Variants in MALRD1 observed in about 807,000 individuals in gnomAD.
The protein encoded by MALRD1 is MAM and LDL-receptor class A domain-containing protein 1.
In MALRD1, 247 loss-of-function variants were observed where a neutral mutation model predicts 242.1. That is an observed-to-expected ratio of 1.02 (90% confidence interval 0.92 to 1.13). The LOEUF is 1.13. MALRD1 is among the 50% of genes most tolerant of loss of function. The probability of loss-of-function intolerance (pLI) is 0.00; values close to 1 mark genes in which losing one functional copy is unlikely to be tolerated. For missense variants in MALRD1, 2,989 were observed against 2,533.1 expected (o/e 1.18, Z -3.86); for synonymous variants, 995 against 866.6 (o/e 1.15, Z -2.60).
intron 19 of MALRD1, among the ~76,000 whole-genome samples, chr10:19,262,106 T>C (rs1192104210): frequency 6.6e-6 from 1 of 152,168 alleles, no homozygotes; most frequent in African/African-American, 2.4e-5. Context: ...TTCTGAGCTA[T>C]GGCTTTTTTC....
At chr10:19,462,111 G>T (rs542170823) in intron 29 of MALRD1, among the ~76,000 whole-genome samples, 1 of 152,274 alleles carries the variant, frequency 6.6e-6, no homozygotes, top group East Asian at 1.9e-4. Context: ...CAGAATAGGG[G>T]AGCTGGGTAT....
intron 31 of MALRD1, among the ~76,000 whole-genome samples, chr10:19,524,967 A>C (rs988428818): frequency 1.3e-5 from 2 of 152,022 alleles, no homozygotes; most frequent in Non-Finnish European, 2.9e-5. Flanking sequence ...GCAATGGCAT[A>C]ATCTCGGCTT....
chr10:19,550,703 C>T (rs984240753), intron 32 of MALRD1, among the ~76,000 whole-genome samples: 7 of 152,122 alleles, frequency 4.6e-5, no homozygotes, highest in Non-Finnish European at 1.5e-5. Context: ...GCATAGTATT[C>T]CATGGTGTGT....
At chr10:19,530,405 ATATT>A (rs1343870313) in intron 31 of MALRD1, among the ~76,000 whole-genome samples, 1 of 14,098 alleles carries the variant, frequency 7.1e-5, no homozygotes, top group Non-Finnish European at 1.9e-4. Context: ...TAAATATTAT[ATATT>A]TATATAATAA....
chr10:19,401,355 T>G (rs772420744), intron 28 of MALRD1, among the ~76,000 whole-genome samples: 16 of 152,196 alleles, frequency 1.1e-4, no homozygotes, highest in Non-Finnish European at 2.2e-4. Flanking sequence ...TTTGGGTAAC[T>G]TCTAACATAA....
chr10:19,155,064 T>C lies in MALRD1; in HGVS notation c.1559-11T>C, dbSNP rs988685339. The C allele has an allele frequency of 4.4e-5, 54 of 1,230,286 alleles. No homozygotes were observed. The highest frequency in any genetic ancestry group is 3.1e-4 in the Middle Eastern group (1 of 3,230). 76.2% of individuals were successfully genotyped at this position (1,230,286 alleles called of 1,614,324 possible). ...ACTTGCATCCCTATGACTTTCCCTT[T>C]GTTTTTTCAGGATCGTTTATTTATT... On this transcript the variant is annotated splice_polypyrimidine_tract_variant and intron_variant, in intron 11 of 39. Transcript: ENST00000454679.
Position 19,368,450 on chromosome 10 carries a change from G to T in MALRD1, c.4441+16153G>T, listed in dbSNP as rs187247405. On this transcript the variant is annotated intron_variant, in intron 26 of 39. Coordinates refer to ENST00000454679, the MANE Select transcript of MALRD1 (RefSeq NM_001142308.3). ...TGTAGAATTGTGGATTCATTTTGGG[G>T]TTCTGTATTCTGTTCCATTGGTCTA... is the stretch of plus-strand genomic sequence containing the variant. 6.1e-3 allele frequency among the ~76,000 whole-genome samples: 933 copies of T among 152,052 alleles called. 6 individuals are homozygous for T. The highest frequency in any genetic ancestry group is 0.021 in the African/African-American group (889 of 41,486).
At chr10:19,120,146 A>G (rs577753795) in intron 5 of MALRD1, among the ~76,000 whole-genome samples, 79 of 152,178 alleles carry the variant, frequency 5.2e-4, no homozygotes, top group African/African-American at 1.8e-3. Flanking sequence ...GTGTGTAGAG[A>G]GGAGAAGAGA....
chr10:19,424,929 G>A (rs1365927295), intron 28 of MALRD1, among the ~76,000 whole-genome samples: 1 of 148,264 alleles, frequency 6.7e-6, no homozygotes, highest in Admixed American at 6.7e-5. Flanking sequence ...ACCAAAGAGT[G>A]AAATGGAAAA....
intron 38 of MALRD1, among the ~76,000 whole-genome samples, chr10:19,705,804 T>TGAAA (rs71388859): frequency 9.7e-6 from 1 of 102,904 alleles, no homozygotes. Flanking sequence ...CCTGCAATAG[T>TGAAA]AAAAAAAAAA....
At chr10:19,577,391 T>C (rs1179731882) in intron 33 of MALRD1, among the ~76,000 whole-genome samples, 1 of 152,130 alleles carries the variant, frequency 6.6e-6, no homozygotes, top group Non-Finnish European at 1.5e-5. Flanking sequence ...AGCCAGAAAA[T>C]GCCATTAAAT....
Position 19,474,499 on chromosome 10 carries a change from C to T in MALRD1, c.5030-17018C>T, listed in dbSNP as rs181551715. 2.7e-3 allele frequency among the ~76,000 whole-genome samples: 413 copies of T among 152,186 alleles called. 3 individuals carry two copies. Among genetic ancestry groups the T allele is most frequent in the Non-Finnish European group, 3.7e-3 (254 of 67,982 alleles). On this transcript the variant is annotated intron_variant, in intron 29 of 39. Transcript: ENST00000454679. Reference sequence around the variant, plus strand: ...TAGCTTTTCTTTTTAATCTACTATACATTTCGACACAGTCTGTTGAACAAT... The same window carrying T: ...TAGCTTTTCTTTTTAATCTACTATATATTTCGACACAGTCTGTTGAACAAT...
At chr10:19,275,517 A>G (rs1840468595) in intron 19 of MALRD1, among the ~76,000 whole-genome samples, 1 of 152,086 alleles carries the variant, frequency 6.6e-6, no homozygotes, top group African/African-American at 2.4e-5. Context: ...AAATACAAAA[A>G]AATTAGCCTG....
intron 1 of MALRD1, among the ~76,000 whole-genome samples, chr10:19,059,971 G>C (rs1226293358): frequency 6.6e-6 from 1 of 152,152 alleles, no homozygotes; most frequent in Non-Finnish European, 1.5e-5. Context: ...ATTTGTCAAA[G>C]TTATATTAGC....
intron 27 of MALRD1, among the ~76,000 whole-genome samples, chr10:19,388,235 T>A (rs1011935182): frequency 6.6e-6 from 1 of 152,188 alleles, no homozygotes; most frequent in Non-Finnish European, 1.5e-5. Context: ...AACAGCCTCA[T>A]TTTAACCTGA....
At chr10:19,399,693 A>G (rs1485477106) in intron 28 of MALRD1, among the ~76,000 whole-genome samples, 3 of 152,226 alleles carry the variant, frequency 2.0e-5, no homozygotes, top group African/African-American at 7.2e-5. Context: ...ATGAATATAC[A>G]AAACAATACC....
chr10:19,085,960 A>G (rs1488075676), intron 2 of MALRD1, among the ~76,000 whole-genome samples: 2 of 152,060 alleles, frequency 1.3e-5, no homozygotes, highest in Non-Finnish European at 1.5e-5. Context: ...ATATATGCAT[A>G]TGGCTGATTA....
chr10:19,263,789 C>T (rs1311503182), intron 19 of MALRD1, among the ~76,000 whole-genome samples: 2 of 152,010 alleles, frequency 1.3e-5, no homozygotes, highest in Non-Finnish European at 2.9e-5. Flanking sequence ...CTCCATTGGT[C>T]CATGTTTCTG....
rs1234279684 is a variant in MALRD1, at chr10:19,128,212, A to G, written c.944-9A>G. 4.1e-6 allele frequency: 5 copies of G among 1,232,830 alleles called. No homozygotes were observed. Among genetic ancestry groups the G allele is most frequent in the East Asian group, 3.2e-5 (1 of 31,682 alleles). 76.4% of individuals were successfully genotyped at this position (1,232,830 alleles called of 1,614,324 possible). ...TCCTAAATTGCTTCTTTTTTCTTTTATCTTTCAGGTTATTATGTATGGGTA... is the reference window on the plus strand; with the variant it reads ...TCCTAAATTGCTTCTTTTTTCTTTTGTCTTTCAGGTTATTATGTATGGGTA... On this transcript the variant is annotated splice_polypyrimidine_tract_variant and intron_variant, in intron 7 of 39. Transcript: ENST00000454679.
Sources: allele counts gnomAD v4.1 joint callset (sites outside exome capture counted in the v4.1 genomes callset), GRCh38; gene constraint gnomAD v4.1.1; transcripts MANE v1.5; gene names NCBI Gene and HGNC (gene_info 2026-07-23, HGNC 2026-07-21).